The following PTPN14 variants were observed in gnomAD, a reference collection of about 807,000 sequenced individuals.
The protein encoded by PTPN14 is tyrosine-protein phosphatase non-receptor type 14.
Under a neutral mutation model 126.8 loss-of-function variants are expected in PTPN14, and 53 were observed. The observed-to-expected ratio is 0.42, with a 90% confidence interval of 0.34 to 0.53. PTPN14 has a LOEUF of 0.53. PTPN14 is among the 20% of genes least tolerant of loss of function. The probability of loss-of-function intolerance (pLI) is 0.08; values close to 1 mark genes in which losing one functional copy is unlikely to be tolerated. For missense variants in PTPN14, 1,257 were observed against 1,552.9 expected (o/e 0.81, Z 3.20); for synonymous variants, 630 against 599.3 (o/e 1.05, Z -0.75).
At position 214,546,928 on chromosome 1, in the gene PTPN14, G is replaced by A. The variant is rs531935204; in HGVS notation, c.-155+4255C>T. Among the ~76,000 whole-genome samples, 3 of 152,194 alleles carry A rather than the reference G, an allele frequency of 2.0e-5. No individual in the cohort carries two copies. In the South Asian group the frequency reaches 6.2e-4, roughly 32 times the overall value. On this transcript the variant is annotated intron_variant, in intron 1 of 18. Transcript: ENST00000366956. ...GAAGAAAATCAAACAAAAGCTTGAGGGGGGAAGAAAAGTCAAGAAACACAG... is the reference window on the plus strand; with the variant it reads ...GAAGAAAATCAAACAAAAGCTTGAGAGGGGAAGAAAAGTCAAGAAACACAG...
chr1:214,445,132 C>T (rs1187763270), intron 3 of PTPN14, among the ~76,000 whole-genome samples: 1 of 152,146 alleles, frequency 6.6e-6, no homozygotes, highest in Non-Finnish European at 1.5e-5. Flanking sequence ...ACCTGGCTGA[C>T]TAGAATACCC....
chr1:214,405,513 A>G (rs1659144629), intron 5 of PTPN14, among the ~76,000 whole-genome samples: 1 of 152,054 alleles, frequency 6.6e-6, no homozygotes, highest in Non-Finnish European at 1.5e-5. Flanking sequence ...GCGACATGTA[A>G]ATTTCATATT....
chr1:214,359,881 G>C (rs1657914710), intron 18 of PTPN14, among the ~76,000 whole-genome samples: 1 of 152,170 alleles, frequency 6.6e-6, no homozygotes, highest in Non-Finnish European at 1.5e-5. Context: ...TGAATTCTTT[G>C]AGAATATATA....
At position 214,402,943 on chromosome 1, in the gene PTPN14, A is replaced by G. The variant is rs1659069645; in HGVS notation, c.521T>C (p.Leu174Pro). Residue 174 changes from leucine (L) to proline (P), a missense_variant, in exon 6 of 19, where the codon CTG becomes CCG. By Grantham distance (98) the Leu-to-Pro change is moderately conservative (BLOSUM62 -3). Transcript: ENST00000366956. ...CAGCTCCTCCAGAACAGCCTCTTCC[A>G]GGGCCAAATCCTATAAGAATAGAAA... is the stretch of plus-strand genomic sequence containing the variant. ...EYVLFPMDLALEEAVLEELTQ... is the reference protein window; with the variant it reads ...EYVLFPMDLAPEEAVLEELTQ... 6.2e-7 allele frequency: 1 copy of G among 1,613,958 alleles called. No individual in the cohort carries two copies. The highest frequency in any genetic ancestry group is 1.3e-5 in the African/African-American group (1 of 75,004).
rs143375730 is a variant in PTPN14, at chr1:214,383,673, G to A, written c.2182C>T (p.Arg728Trp). The change falls in exon 13 of 19, where the codon CGG becomes TGG. Residue 728 changes from arginine (R) to tryptophan (W), a missense_variant. Physicochemically the swap from Arg to Trp is moderately radical, Grantham distance 101. Coordinates refer to ENST00000366956, the MANE Select transcript of PTPN14 (RefSeq NM_005401.5). This position sits in a 1 kb window ranked among gnomAD's most constrained non-coding sequence, Gnocchi z 4.4. ...TGGGCACTGTACTCCATCTTCTCCC[G>A]GAGCATGGGGATCTGGGGCACCGAT... The part of the protein sequence containing the change: ...PESVPQIPML[R>W]EKMEYSAQLQ... 103 of 1,613,388 alleles carry A rather than the reference G, an allele frequency of 6.4e-5. No homozygotes were observed. In the East Asian group the frequency reaches 1.4e-3, roughly 22 times the overall value.
At position 214,356,685 on chromosome 1, in the gene PTPN14, A is replaced by G. The variant is rs911641617; in HGVS notation, c.*1237T>C. The G allele has an allele frequency of 6.6e-6, 1 of 152,206 alleles. No individual in the cohort carries two copies. The highest frequency in any genetic ancestry group is 6.5e-5 in the Admixed American group (1 of 15,284). 9.4% of individuals were successfully genotyped at this position (152,206 alleles called of 1,614,324 possible). A position where few individuals can be genotyped will look rare whatever the true frequency, so the allele number is the denominator to read the frequency against. On this transcript the variant is annotated 3_prime_UTR_variant, in exon 19 of 19. Coordinates refer to ENST00000366956, the MANE Select transcript of PTPN14 (RefSeq NM_005401.5). ...ATGACAATTCTACCATCGTTCATCA[A>G]GTGGCCCCAAGTTTGGACTATGGGG...
chr1:214,495,502 C>A (rs1661340085), intron 1 of PTPN14, among the ~76,000 whole-genome samples: 1 of 151,966 alleles, frequency 6.6e-6, no homozygotes, highest in African/African-American at 2.4e-5. Flanking sequence ...AGAGGAATAA[C>A]AATTGGTCAG....
chr1:214,430,258 T>C (rs967944193), intron 3 of PTPN14, among the ~76,000 whole-genome samples: 1 of 152,160 alleles, frequency 6.6e-6, no homozygotes, highest in Admixed American at 6.5e-5. Context: ...GCTTTAGGTA[T>C]TTGGGAGAGA....
At chr1:214,371,688 A>T (rs1187338744) in intron 16 of PTPN14, among the ~76,000 whole-genome samples, 27 of 152,262 alleles carry the variant, frequency 1.8e-4, no homozygotes, top group Non-Finnish European at 5.9e-5. Context: ...GTGTGAGCTG[A>T]TAAGGTGATA....
intron 1 of PTPN14, among the ~76,000 whole-genome samples, chr1:214,535,718 G>T (rs1655688062): frequency 6.6e-6 from 1 of 151,436 alleles, no homozygotes; most frequent in Non-Finnish European, 1.5e-5. Flanking sequence ...AGCGGAGGTT[G>T]CAGTGAGCCA....
At position 214,355,206 on chromosome 1, in the gene PTPN14, T is replaced by C. The variant is rs1657789428; in HGVS notation, c.*2716A>G. On this transcript the variant is annotated 3_prime_UTR_variant, in exon 19 of 19. Transcript: ENST00000366956. ...CCTGCATTTTGTACACTAATGAATA[T>C]TCCCGTAGCATACGGCAGGGACAGT... The C allele has an allele frequency of 6.6e-6, 1 of 152,236 alleles. No individual in the cohort carries two copies. The highest frequency in any genetic ancestry group is 6.5e-5 in the Admixed American group (1 of 15,290). The allele number at this position is 152,236 out of a possible 1,614,324, so 9.4% of individuals were successfully genotyped here. A position where few individuals can be genotyped will look rare whatever the true frequency, so the allele number is the denominator to read the frequency against.
At chr1:214,491,047 AAG>A (rs1357428120) in intron 1 of PTPN14, among the ~76,000 whole-genome samples, 3 of 151,122 alleles carry the variant, frequency 2.0e-5, no homozygotes, top group South Asian at 2.1e-4. Context: ...GAAAGAAAGA[AAG>A]AAAGAAAAAC....
chr1:214,427,723 T>C (rs544577539), intron 3 of PTPN14, among the ~76,000 whole-genome samples: 41 of 149,754 alleles, frequency 2.7e-4, no homozygotes, highest in African/African-American at 1.0e-3. Context: ...ACACAGAGAG[T>C]AGCAAGGTAG....
rs577487271 is a variant in PTPN14 at position 214,376,069 on chromosome 1, T to A, written c.2907+150A>T. On this transcript the variant is annotated intron_variant, in intron 15 of 18. Coordinates refer to ENST00000366956, the MANE Select transcript of PTPN14 (RefSeq NM_005401.5). ...TGATAGACATGCCCTTCCACTTGAC[T>A]AAGAAAAGCACAGGAGTTCAAAAAC... 18 of 703,970 alleles carry A rather than the reference T, an allele frequency of 2.6e-5. No individual in the cohort carries two copies. In the South Asian group the frequency reaches 2.9e-4, roughly 11 times the overall value. The allele number at this position is 703,970 out of a possible 1,614,324, so 43.6% of individuals were successfully genotyped here.
intron 3 of PTPN14, among the ~76,000 whole-genome samples, chr1:214,441,021 A>G (rs569461028): frequency 8.2e-4 from 125 of 152,332 alleles, no homozygotes; most frequent in African/African-American, 3.0e-3. Flanking sequence ...TTATGGAACT[A>G]AACTCCCTGT....
At chr1:214,361,326 C>T (rs575513694) in intron 18 of PTPN14, among the ~76,000 whole-genome samples, 8 of 152,316 alleles carry the variant, frequency 5.3e-5, no homozygotes, top group Middle Eastern at 3.4e-3. Context: ...CCACCTCCTC[C>T]ACCACCACAT....
chr1:214,367,524 T>G (rs751366460), intron 17 of PTPN14, among the ~76,000 whole-genome samples: 4 of 152,228 alleles, frequency 2.6e-5, no homozygotes, highest in Non-Finnish European at 4.4e-5. Context: ...TCTCCCATTC[T>G]AAATGAATAC....
At chr1:214,372,651 C>G in intron 16 of PTPN14, 60 bp downstream of exon 16, 4 of 1,611,458 alleles carry the variant, frequency 2.5e-6, no homozygotes, top group Admixed American at 1.7e-5. Context: ...GCACAAAGCC[C>G]ATCTTCTGGC....
rs1658032553 is a variant in PTPN14 at position 214,364,632 on chromosome 1, G to A, written c.3315C>T (p.Ser1105=). The change falls in exon 18 of 19, where the codon AGC becomes AGT. Residue 1105 remains serine, a synonymous_variant. Transcript: ENST00000366956. This position sits in a 1 kb window ranked among gnomAD's most constrained non-coding sequence, Gnocchi z 4.1. ...EIQSVRRHTN[S]MLEGTKNRHP... ...GCCGGTTCTTGGTGCCTTCCAGCAT[G>A]CTGTTGGTATGGCGACGGACCGACT... The A allele has an allele frequency of 6.2e-7, 1 of 1,614,110 alleles. No homozygotes were observed. The highest frequency in any genetic ancestry group is 1.3e-5 in the African/African-American group (1 of 75,034).
Sources: gnomAD v4.1 joint callset for allele counts (sites outside exome capture counted in the v4.1 genomes callset) on GRCh38, gnomAD v4.1.1 for gene constraint, Gnocchi (gnomAD v3.1) non-coding constraint, MANE v1.5 for transcripts, NCBI Gene and HGNC (gene_info 2026-07-23, HGNC 2026-07-21) for gene names.